The following ICOS variants were observed in gnomAD, a reference collection of about 807,000 sequenced individuals.
ICOS encodes inducible T cell costimulator.
Under a neutral mutation model 24.6 loss-of-function variants are expected in ICOS, and 15 were observed. The observed-to-expected ratio is 0.61, with a 90% CI of 0.41 to 0.94. The LOEUF (loss-of-function observed/expected upper bound fraction) is 0.94. Ranked by LOEUF, ICOS falls within the 40% of genes least tolerant of loss-of-function variation. ICOS has a pLI of 0.00. For synonymous variants in ICOS, 89 were observed against 77.5 expected, an observed-to-expected ratio of 1.15 and a Z score of -0.78; for missense variants, 200 against 233.0, an observed-to-expected ratio of 0.86 and a Z score of 0.92.
At position 203,955,673 on chromosome 2, in the gene ICOS, A is replaced by G. The variant is rs756151476; in HGVS notation, c.96A>G (p.Ile32Met). The change falls in exon 2 of 5, where the codon ATA (isoleucine) becomes ATG (methionine). Residue 32 changes from isoleucine to methionine, a missense_variant. Ile to Met is a conservative substitution (Grantham distance 10). Coordinates refer to ENST00000316386, the MANE Select transcript of ICOS (RefSeq NM_012092.4). ...INGSANYEMFIFHNGGVQILC... is the reference protein window; with the variant it reads ...INGSANYEMFMFHNGGVQILC... ...GTTCTGCCAATTATGAGATGTTTAT[A>G]TTTCACAACGGAGGTGTACAAATTT... 1.9e-6 allele frequency: 3 copies of G among 1,613,430 alleles called. No homozygotes were observed. Among genetic ancestry groups the G allele is most frequent in the Non-Finnish European group, 2.5e-6 (3 of 1,179,570 alleles).
At chr2:203,937,354 A>G (rs765414099) in intron 1 of ICOS, among the ~76,000 whole-genome samples, 54 of 152,198 alleles carry the variant, frequency 3.5e-4, no homozygotes, top group Non-Finnish European at 6.6e-4. Context: ...AGGGCACCAT[A>G]GAGTTTTTAT....
rs1357506157 is a variant in ICOS at position 203,945,046 on chromosome 2, CATTTTGTGTCAAGCCAGATATATAT to C, written c.58+8180_58+8204del. On this transcript the variant is annotated intron_variant, in intron 1 of 4. Transcript: ENST00000316386. ...TAGATGGCCTATGAGATTGTGAAAGCATTTTGTGTCAAGCCAGATATATATATTTTAAAACACCTTATAAGCAATA... is the reference window on the plus strand; with the variant it reads ...TAGATGGCCTATGAGATTGTGAAAGCATTTTAAAACACCTTATAAGCAATA... 6.1e-5 allele frequency among the ~76,000 whole-genome samples: 5 copies of C among 81,638 alleles called. No individual in the cohort carries two copies. In the East Asian group the frequency reaches 1.9e-3, roughly 31 times the overall value. 53.6% of individuals were successfully genotyped at this position (81,638 alleles called of 152,430 possible).
chr2:203,952,143 G>A (rs962425423), intron 1 of ICOS, among the ~76,000 whole-genome samples: 1 of 151,654 alleles, frequency 6.6e-6, no homozygotes, highest in African/African-American at 2.4e-5. Context: ...ATACAAGACT[G>A]TCAGCACCCC....
At chr2:203,952,748 A>G (rs745703626) in intron 1 of ICOS, among the ~76,000 whole-genome samples, 8 of 152,102 alleles carry the variant, frequency 5.3e-5, no homozygotes, top group Non-Finnish European at 1.2e-4. Flanking sequence ...TACTACAGAT[A>G]TTATTACAAG....
rs772773689 is a variant in ICOS, at chr2:203,957,827, A to T, written c.530A>T (p.Asn177Ile). ...TATTCATCCAGTGTGCACGACCCTAACGGTGAATACATGTTCATGAGAGCA... is the reference window on the plus strand; with the variant it reads ...TATTCATCCAGTGTGCACGACCCTATCGGTGAATACATGTTCATGAGAGCA... Reference protein sequence around the residue: ...KKYSSSVHDPNGEYMFMRAVN... With the variant: ...KKYSSSVHDPIGEYMFMRAVN... The change falls in exon 4 of 5, where the codon AAC becomes ATC. Residue 177 changes from asparagine (N) to isoleucine (I), a missense_variant. Transcript: ENST00000316386. 1 of 1,613,402 alleles carries T rather than the reference A, an allele frequency of 6.2e-7. No individual in the cohort carries two copies. The highest frequency in any genetic ancestry group is 8.5e-7 in the Non-Finnish European group (1 of 1,179,400).
chr2:203,948,252 CA>C (rs1351048643), intron 1 of ICOS, among the ~76,000 whole-genome samples: 4 of 152,034 alleles, frequency 2.6e-5, no homozygotes, highest in African/African-American at 7.3e-5. Context: ...CACTTGTTTC[CA>C]GAAGAAAAGC....
At position 203,956,661 on chromosome 2, in the gene ICOS, T is replaced by C; in HGVS notation, c.397T>C (p.Ser133Pro). ...LTGGYLHIYE[S>P]QLCCQLKFWL... ...ACATACCTTTTTTTCCAATCCAGAA[T>C]CACAACTTTGTTGCCAGCTGAAGTT... Residue 133 changes from serine to proline, a missense_variant and splice_region_variant, in exon 3 of 5, where the codon TCA (serine) becomes CCA (proline). Ser to Pro is a moderately conservative substitution (Grantham distance 74, BLOSUM62 -1). Coordinates refer to ENST00000316386, the MANE Select transcript of ICOS (RefSeq NM_012092.4). The C allele has an allele frequency of 6.2e-7, 1 of 1,611,884 alleles. No individual in the cohort carries two copies. The highest frequency in any genetic ancestry group is 8.5e-7 in the Non-Finnish European group (1 of 1,178,046).
chr2:203,944,691 A>G (rs1319748644), intron 1 of ICOS, among the ~76,000 whole-genome samples: 3 of 152,204 alleles, frequency 2.0e-5, no homozygotes, highest in Admixed American at 6.5e-5. Flanking sequence ...TGCAGTCCTT[A>G]TCTTTGTGGA....
intron 1 of ICOS, among the ~76,000 whole-genome samples, chr2:203,950,600 A>G (rs1487275886): frequency 1.3e-5 from 2 of 152,230 alleles, no homozygotes; most frequent in African/African-American, 2.4e-5. Context: ...ATTAAATGCT[A>G]TAGTTAAAAA....
intron 1 of ICOS, among the ~76,000 whole-genome samples, 171 bp from the exon 2 acceptor site, chr2:203,955,465 T>G (rs1291576462): frequency 6.6e-6 from 1 of 152,078 alleles, no homozygotes; most frequent in Non-Finnish European, 1.5e-5. Context: ...TAGGACATAG[T>G]TTTATCTTAT....
intron 1 of ICOS, among the ~76,000 whole-genome samples, chr2:203,951,920 C>T (rs1347318653): frequency 1.3e-5 from 2 of 152,196 alleles, no homozygotes; most frequent in African/African-American, 4.8e-5. Flanking sequence ...TGCACCTGTT[C>T]TCATGCCAAC....
intron 1 of ICOS, among the ~76,000 whole-genome samples, chr2:203,945,519 G>A (rs183955916): frequency 3.9e-5 from 6 of 152,096 alleles, no homozygotes; most frequent in South Asian, 4.2e-4. Flanking sequence ...GAACATCATC[G>A]AGCGTACTGA....
chr2:203,940,035 G>A (rs1689735274), intron 1 of ICOS, among the ~76,000 whole-genome samples: 2 of 151,782 alleles, frequency 1.3e-5, no homozygotes, highest in African/African-American at 4.8e-5. Context: ...TCTCCTCTTT[G>A]CCTCCGGTTA....
chr2:203,955,348 C>T (rs1690059693), intron 1 of ICOS, among the ~76,000 whole-genome samples: 1 of 152,040 alleles, frequency 6.6e-6, no homozygotes, highest in African/African-American at 2.4e-5. Context: ...AGGACAGAGG[C>T]CATACCAGTT....
At chr2:203,945,649 G>T (rs1236851091) in intron 1 of ICOS, among the ~76,000 whole-genome samples, 1 of 152,132 alleles carries the variant, frequency 6.6e-6, no homozygotes, top group Non-Finnish European at 1.5e-5. Flanking sequence ...TGCAGGCCAT[G>T]GTAGCACAAT....
chr2:203,939,137 A>G (rs1015013036), intron 1 of ICOS, among the ~76,000 whole-genome samples: 4 of 152,250 alleles, frequency 2.6e-5, no homozygotes, highest in Admixed American at 6.5e-5. Flanking sequence ...GGAAAGGTTA[A>G]GTGATTTGTT....
chr2:203,951,240 C>A (rs1689968188), intron 1 of ICOS, among the ~76,000 whole-genome samples: 1 of 152,120 alleles, frequency 6.6e-6, no homozygotes, highest in Non-Finnish European at 1.5e-5. Flanking sequence ...TTCTGACTTT[C>A]TGGAATAGCC....
At chr2:203,941,802 A>C (rs1689780682) in intron 1 of ICOS, among the ~76,000 whole-genome samples, 1 of 152,336 alleles carries the variant, frequency 6.6e-6, no homozygotes, top group South Asian at 2.1e-4. Context: ...GTGGAACTTA[A>C]GTATGTAGGG....
At chr2:203,951,144 A>G (rs1483308740) in intron 1 of ICOS, among the ~76,000 whole-genome samples, 1 of 152,114 alleles carries the variant, frequency 6.6e-6, no homozygotes, top group Non-Finnish European at 1.5e-5. Context: ...TCAACATGCC[A>G]TTCAAGAAAA....
Sources: gnomAD v4.1 joint callset for allele counts (sites outside exome capture counted in the v4.1 genomes callset) on GRCh38, gnomAD v4.1.1 for gene constraint, MANE v1.5 for transcripts, NCBI Gene and HGNC (gene_info 2026-07-23, HGNC 2026-07-21) for gene names.